SLC35A1: variants seen among roughly 807,000 people sequenced by gnomAD.
SLC35A1 encodes the protein solute carrier family 35 member A1.
In SLC35A1, 21 loss-of-function variants were observed where a neutral mutation model predicts 40.3. That is an observed-to-expected ratio of 0.52 (90% confidence interval 0.37 to 0.75). SLC35A1 has a LOEUF of 0.75. Ranked by LOEUF, SLC35A1 falls within the 30% of genes least tolerant of loss-of-function variation. The probability of loss-of-function intolerance (pLI) is 0.00; values close to 1 mark genes in which losing one functional copy is unlikely to be tolerated. For missense variants in SLC35A1, 297 were observed against 382.1 expected, an observed-to-expected ratio of 0.78 and a Z score of 1.86; for synonymous variants, 146 against 147.3, an observed-to-expected ratio of 0.99 and a Z score of 0.06.
chr6:87,487,646 A>G (rs1769425804), intron 2 of SLC35A1, among the ~76,000 whole-genome samples: 1 of 152,240 alleles, frequency 6.6e-6, no homozygotes, highest in South Asian at 2.1e-4. Context: ...ATACTTAGGA[A>G]CATCAGACAG....
chr6:87,499,088 G>A, intron 2 of SLC35A1: 1 of 980,230 alleles, frequency 1.0e-6, no homozygotes, highest in Non-Finnish European at 1.2e-6. Flanking sequence ...TGTTTCTGTG[G>A]CTTAGGTCAA....
At chr6:87,500,948 T>C (rs1274986574) in intron 3 of SLC35A1, among the ~76,000 whole-genome samples, 1 of 151,962 alleles carries the variant, frequency 6.6e-6, no homozygotes, top group Non-Finnish European at 1.5e-5. Flanking sequence ...GAGGTTTCAC[T>C]ATGTTGGCCA....
chr6:87,478,482 G>T lies in SLC35A1; in HGVS notation c.194+943G>T, dbSNP rs1011616362. ...GGTTTCAAGATGTGTGTTGGTGAGTGAAGGGAAGCAGGGAGGAATAGTGTT... is the reference window on the plus strand; with the variant it reads ...GGTTTCAAGATGTGTGTTGGTGAGTTAAGGGAAGCAGGGAGGAATAGTGTT... On this transcript the variant is annotated intron_variant, in intron 2 of 7. Coordinates refer to ENST00000369552, the MANE Select transcript of SLC35A1 (RefSeq NM_006416.5). Among the ~76,000 whole-genome samples the T allele has an allele frequency of 2.0e-5, 3 of 152,192 alleles. No individual in the cohort carries two copies. The East Asian group carries it at 5.8e-4, about 29-fold the overall frequency.
In SLC35A1 at chr6:87,501,133, TATTA is replaced by T. The variant is rs767314715; in HGVS notation, c.355-21_355-18del. 2.6e-6 allele frequency: 4 copies of T among 1,555,506 alleles called. No individual in the cohort carries two copies. The East Asian group carries it at 6.7e-5, about 26-fold the overall frequency. On this transcript the variant is annotated intron_variant, in intron 3 of 7. Coordinates refer to ENST00000369552, the MANE Select transcript of SLC35A1 (RefSeq NM_006416.5). ...ATCAGAGACTAACATTAACTGAATT[TATTA>T]ATTCATTCTCTTTTTTTTAGGTGAC...
chr6:87,483,438 A>G (rs1320096194), intron 2 of SLC35A1, among the ~76,000 whole-genome samples: 3 of 152,002 alleles, frequency 2.0e-5, no homozygotes, highest in Admixed American at 6.6e-5. Context: ...GCCCCCCACA[A>G]TGGGGATTTC....
At chr6:87,499,260 C>T (rs1273360061) in intron 2 of SLC35A1, 1 of 252,870 alleles carries the variant, frequency 4.0e-6, no homozygotes, top group Non-Finnish European at 6.2e-6. Context: ...CAACTCACAA[C>T]TGTTGATTCT....
chr6:87,495,369 A>G (rs1769694941), intron 2 of SLC35A1, among the ~76,000 whole-genome samples: 1 of 152,238 alleles, frequency 6.6e-6, no homozygotes, highest in Non-Finnish European at 1.5e-5. Flanking sequence ...AACAAACCAA[A>G]TATATCTTAA....
chr6:87,477,286 G>T, intron 1 of SLC35A1, 76 bp from the exon 2 acceptor site: 1 of 1,264,796 alleles, frequency 7.9e-7, no homozygotes, highest in South Asian at 1.3e-5. Context: ...AGTATTTTTA[G>T]GCTATAACTA....
In SLC35A1 at chr6:87,511,568, G is replaced by A; in HGVS notation, c.*42G>A. ...GACTCCTTTTAAGACTAAACCATTT[G>A]CATTAAACTAGAGCCTTAAGTCAAT... On this transcript the variant is annotated 3_prime_UTR_variant, in exon 8 of 8. Coordinates refer to ENST00000369552, the MANE Select transcript of SLC35A1 (RefSeq NM_006416.5). 6.2e-7 allele frequency: 1 copy of A among 1,604,262 alleles called. No individual in the cohort carries two copies. Among genetic ancestry groups the A allele is most frequent in the South Asian group, 1.1e-5 (1 of 90,786 alleles).
chr6:87,482,729 G>C (rs1769280503), intron 2 of SLC35A1, among the ~76,000 whole-genome samples: 1 of 152,184 alleles, frequency 6.6e-6, no homozygotes, highest in Non-Finnish European at 1.5e-5. Context: ...GAGGAAACCT[G>C]CTGGGTTAAG....
intron 2 of SLC35A1, among the ~76,000 whole-genome samples, chr6:87,489,610 C>T (rs1317814115): frequency 7.0e-6 from 1 of 142,730 alleles, no homozygotes; most frequent in Admixed American, 7.3e-5. Context: ...GGCGCAATCT[C>T]GGCTTACTGC....
chr6:87,506,693 C>G (rs553168186), intron 5 of SLC35A1, among the ~76,000 whole-genome samples: 2 of 152,186 alleles, frequency 1.3e-5, no homozygotes, highest in Admixed American at 1.3e-4. Flanking sequence ...CATCTCAGTC[C>G]GGCCAAAAAC....
At chr6:87,502,367 C>T (rs911315604) in intron 4 of SLC35A1, among the ~76,000 whole-genome samples, 15 of 152,148 alleles carry the variant, frequency 9.9e-5, no homozygotes, top group Non-Finnish European at 2.1e-4. Flanking sequence ...AGTCATGCAT[C>T]GCTTAACAAA....
chr6:87,480,200 G>T (rs1211267201), intron 2 of SLC35A1, among the ~76,000 whole-genome samples: 1 of 152,238 alleles, frequency 6.6e-6, no homozygotes, highest in African/African-American at 2.4e-5. Context: ...GGTAAAATTG[G>T]TTTTGGAAGA....
chr6:87,486,665 CTCTGAGG>C (rs760439898), intron 2 of SLC35A1, among the ~76,000 whole-genome samples: 2 of 152,126 alleles, frequency 1.3e-5, no homozygotes, highest in African/African-American at 2.4e-5. Context: ...AGGGTTTCCT[CTCTGAGG>C]AAGTTACGTT....
intron 7 of SLC35A1, among the ~76,000 whole-genome samples, chr6:87,510,605 G>A (rs573060076): frequency 2.0e-5 from 3 of 152,076 alleles, no homozygotes; most frequent in African/African-American, 4.8e-5. Context: ...AAAAGGTGCC[G>A]GGCATGGTGG....
intron 2 of SLC35A1, among the ~76,000 whole-genome samples, chr6:87,484,476 C>T (rs922990182): frequency 3.9e-5 from 6 of 152,180 alleles, no homozygotes; most frequent in African/African-American, 1.4e-4. Flanking sequence ...GGTCTTATTC[C>T]TGATGCACGT....
chr6:87,477,470 A>G lies in SLC35A1; in HGVS notation c.125A>G (p.Tyr42Cys). The G allele has an allele frequency of 4.3e-6, 7 of 1,614,128 alleles. No individual in the cohort carries two copies. Among genetic ancestry groups the G allele is most frequent in the Non-Finnish European group, 5.9e-6 (7 of 1,179,982 alleles). Residue 42 changes from tyrosine (Y) to cysteine (C), a missense_variant, in exon 2 of 8, where the codon TAC (tyrosine) becomes TGC (cysteine). Coordinates refer to ENST00000369552, the MANE Select transcript of SLC35A1 (RefSeq NM_006416.5). ...RYTRTSDKEL[Y>C]FSTTAVCITE... ...ACAAGGACATCAGACAAAGAACTCTACTTTTCAACCACAGCCGTGTGTATC... is the reference window on the plus strand; with the variant it reads ...ACAAGGACATCAGACAAAGAACTCTGCTTTTCAACCACAGCCGTGTGTATC...
chr6:87,493,906 A>G (rs1769636742), intron 2 of SLC35A1, among the ~76,000 whole-genome samples: 1 of 152,210 alleles, frequency 6.6e-6, no homozygotes, highest in Non-Finnish European at 1.5e-5. Flanking sequence ...GGCATGTGAA[A>G]TTATACTTAT....
Sources: gnomAD v4.1 joint callset for allele counts (sites outside exome capture counted in the v4.1 genomes callset) on GRCh38, gnomAD v4.1.1 for gene constraint, MANE v1.5 for transcripts, NCBI Gene and HGNC (gene_info 2026-07-23, HGNC 2026-07-21) for gene names.